RSF1: variants seen among roughly 807,000 people sequenced by gnomAD.
RSF1 encodes the protein remodeling and spacing factor 1, also known as HBV pX-associated protein 8.
In RSF1, 13 loss-of-function variants were observed where a neutral mutation model predicts 145.2. The observed-to-expected ratio is 0.09, with a 90% CI of 0.06 to 0.14. The LOEUF (loss-of-function observed/expected upper bound fraction) is 0.14. Among genes scored for constraint, RSF1 ranks in the 10% least tolerant of loss-of-function variants. The pLI is 1.00. For synonymous variants in RSF1, 577 were observed against 592.6 expected, an observed-to-expected ratio of 0.97 and a Z score of 0.38; for missense variants, 1,517 against 1,718.2, an observed-to-expected ratio of 0.88 and a Z score of 2.07.
At chr11:77,818,715 G>A (rs1271169403) in intron 1 of RSF1, among the ~76,000 whole-genome samples, 6 of 152,186 alleles carry the variant, frequency 3.9e-5, no homozygotes, top group Admixed American at 3.9e-4. Flanking sequence ...GGAGGCGGAG[G>A]TAGCAGTGAG....
At chr11:77,736,007 G>C (rs1321236580) in intron 4 of RSF1, among the ~76,000 whole-genome samples, 1 of 152,184 alleles carries the variant, frequency 6.6e-6, no homozygotes, top group East Asian at 1.9e-4. Flanking sequence ...AAAGTGCTGG[G>C]ATTACAGGTG....
rs934905865 is a variant in RSF1 at position 77,700,744 on chromosome 11, C to T, written c.2485G>A (p.Asp829Asn). Reference protein sequence around the residue: ...KKEILKKSEKDTNSKVSKVKP... With the variant: ...KKEILKKSEKNTNSKVSKVKP... The stretch of plus-strand genomic sequence containing the variant: ...ACCTTGCTTACTTTAGAATTTGTAT[C>T]TTTCTCTGATTTTTTCAAAATTTCC... The change falls in exon 6 of 16, where the codon GAT (aspartate) becomes AAT (asparagine). Residue 829 changes from aspartate (D) to asparagine (N), a missense_variant. This residue lies in a region of RSF1 where 579 missense variants were observed against 553.5 expected (regional missense o/e 1.05). Transcript: ENST00000308488. The T allele has an allele frequency of 6.3e-7, 1 of 1,585,060 alleles. No homozygotes were observed. Among genetic ancestry groups the T allele is most frequent in the Admixed American group, 1.9e-5 (1 of 52,662 alleles).
chr11:77,841,566 C>T, the RSF1 span, among the ~76,000 whole-genome samples: 270 of 152,274 alleles, frequency 1.8e-3, 2 homozygotes, highest in Middle Eastern at 6.8e-3. Flanking sequence ...TCTTCACTGG[C>T]TTTTACATTC....
At chr11:77,870,154 T>G in the RSF1 span, 1 of 153,774 alleles carries the variant, frequency 6.5e-6, no homozygotes. Context: ...CATTTATAGT[T>G]TTCCCCTCTT....
chr11:77,813,670 A>C, intron 1 of RSF1: 1 of 535,022 alleles, frequency 1.9e-6, no homozygotes, highest in South Asian at 1.7e-5. Context: ...GTAACCTTCA[A>C]AGCCATAGCT....
chr11:77,772,314 T>C (rs962824636), intron 1 of RSF1, among the ~76,000 whole-genome samples: 3 of 152,074 alleles, frequency 2.0e-5, no homozygotes, highest in Non-Finnish European at 2.9e-5. Context: ...AGATTATAAG[T>C]AGGCACCACC....
At chr11:77,727,473 C>CT (rs59747840) in intron 4 of RSF1, among the ~76,000 whole-genome samples, 60,920 of 111,746 alleles carry the variant, frequency 0.55, 17,716 homozygotes, top group African/African-American at 0.59. Flanking sequence ...ACTTCCACTA[C>CT]TTTTTTTTTT....
chr11:77,751,896 T>A (rs1196747869), intron 2 of RSF1, among the ~76,000 whole-genome samples: 1 of 152,220 alleles, frequency 6.6e-6, no homozygotes, highest in East Asian at 1.9e-4. Flanking sequence ...ACAAGAGGAA[T>A]CCTTGGAGAT....
At chr11:77,802,069 T>C (rs1397946083) in intron 1 of RSF1, among the ~76,000 whole-genome samples, 1 of 152,192 alleles carries the variant, frequency 6.6e-6, no homozygotes, top group Non-Finnish European at 1.5e-5. Context: ...AATGCATTCA[T>C]GTGCTGGGGG....
At chr11:77,861,915 C>G in the RSF1 span, among the ~76,000 whole-genome samples, 1 of 152,158 alleles carries the variant, frequency 6.6e-6, no homozygotes, top group Admixed American at 6.5e-5. Flanking sequence ...CTGCAGCTGA[C>G]TGAGTGATAA....
rs1959235800 is a variant in RSF1 at position 77,661,694 on chromosome 11, C to G, written c.*5223G>C. ...TACATCCTATTTTAGGGTATTTTCC[C>G]ACCTCCCATCCCTTAAAAGCTGTAC... is the stretch of plus-strand genomic sequence containing the variant. On this transcript the variant is annotated 3_prime_UTR_variant, in exon 16 of 16. Transcript: ENST00000308488. 6.6e-6 allele frequency: 1 copy of G among 151,624 alleles called. No homozygotes were observed. The highest frequency in any genetic ancestry group is 2.4e-5 in the African/African-American group (1 of 41,282). 9.4% of individuals were successfully genotyped at this position (151,624 alleles called of 1,614,324 possible).
At position 77,740,721 on chromosome 11, in the gene RSF1, TAA is replaced by T; in HGVS notation, c.578+8_578+9del. Reference sequence around the variant, plus strand: ...ACAAATAAGTGTAAAAAGGTTCCAATAAAAGATACCTGACAATGCATTTCCAT... The same window carrying T: ...ACAAATAAGTGTAAAAAGGTTCCAATAAGATACCTGACAATGCATTTCCAT... On this transcript the variant is annotated splice_region_variant and intron_variant, in intron 4 of 15. Coordinates refer to ENST00000308488, the MANE Select transcript of RSF1 (RefSeq NM_016578.4). 1 of 1,609,186 alleles carries T rather than the reference TAA, an allele frequency of 6.2e-7. No homozygotes were observed. Among genetic ancestry groups the T allele is most frequent in the Non-Finnish European group, 8.5e-7 (1 of 1,175,664 alleles).
At chr11:77,734,240 T>C (rs1338565325) in intron 4 of RSF1, among the ~76,000 whole-genome samples, 1 of 152,070 alleles carries the variant, frequency 6.6e-6, no homozygotes, top group African/African-American at 2.4e-5. Context: ...AGTATAATTA[T>C]ATATAAGTTA....
intron 5 of RSF1, among the ~76,000 whole-genome samples, chr11:77,704,031 C>T (rs570741224): frequency 7.2e-5 from 11 of 152,358 alleles, no homozygotes; most frequent in South Asian, 6.2e-4. Context: ...CAATGGCTCA[C>T]GCCTTTAATC....
chr11:77,839,657 A>T, the RSF1 span, among the ~76,000 whole-genome samples: 1 of 152,230 alleles, frequency 6.6e-6, no homozygotes, highest in South Asian at 2.1e-4. Context: ...GAACAAGATC[A>T]TGTCCTTTGC....
intron 1 of RSF1, among the ~76,000 whole-genome samples, chr11:77,786,673 C>T (rs1198806370): frequency 6.6e-6 from 1 of 152,148 alleles, no homozygotes; most frequent in Non-Finnish European, 1.5e-5. Flanking sequence ...ATGGTGGAGG[C>T]ATATTACATC....
At chr11:77,778,018 T>C (rs1368183557) in intron 1 of RSF1, among the ~76,000 whole-genome samples, 1 of 129,724 alleles carries the variant, frequency 7.7e-6, no homozygotes, top group African/African-American at 3.0e-5. Context: ...CTCATGCCTG[T>C]AATCCCAGCA....
chr11:77,685,669 G>C (rs1418835041), intron 9 of RSF1, among the ~76,000 whole-genome samples: 1 of 152,106 alleles, frequency 6.6e-6, no homozygotes, highest in Non-Finnish European at 1.5e-5. Flanking sequence ...CTAGGGTTAA[G>C]ATAACAATAT....
chr11:77,749,373 T>C (rs1259175254), intron 2 of RSF1, among the ~76,000 whole-genome samples: 1 of 152,158 alleles, frequency 6.6e-6, no homozygotes, highest in Non-Finnish European at 1.5e-5. Context: ...AGCTATGACC[T>C]GAATGAAGCA....
Sources: gnomAD v4.1 joint callset for allele counts (sites outside exome capture counted in the v4.1 genomes callset) on GRCh38, gnomAD v4.1.1 for gene constraint, gnomAD v4.1.1 regional missense constraint, MANE v1.5 for transcripts, NCBI Gene and HGNC (gene_info 2026-07-23, HGNC 2026-07-21) for gene names.